DYNC1LI2: variants seen among roughly 807,000 people sequenced by gnomAD.
DYNC1LI2 encodes the protein dynein cytoplasmic 1 light intermediate chain 2.
A neutral mutation model predicts 57.8 loss-of-function variants in DYNC1LI2; 19 were observed. That is an observed-to-expected ratio of 0.33 (90% CI 0.23 to 0.48). The LOEUF (loss-of-function observed/expected upper bound fraction) is 0.48. DYNC1LI2 is among the 20% of genes least tolerant of loss of function. The probability of loss-of-function intolerance (pLI) is 0.99; values close to 1 mark genes in which losing one functional copy is unlikely to be tolerated. For synonymous variants in DYNC1LI2, 256 were observed against 233.4 expected, an observed-to-expected ratio of 1.10 and a Z score of -0.88; for missense variants, 470 against 604.2, an observed-to-expected ratio of 0.78 and a Z score of 2.33.
rs1362485654 is a variant in DYNC1LI2, at chr16:66,725,903, T to G, written c.1303A>C (p.Ser435Arg). ...SEGVLASFFN[S>R]LLSKKTGSPG... The stretch of plus-strand genomic sequence containing the variant: ...GAGCCTGTCTTTTTACTCAACAGAC[T>G]GTTGAAGAAGCTGGCCAACACCCCT... The change falls in exon 12 of 13, where the codon AGT becomes CGT. Residue 435 changes from serine (S) to arginine (R), a missense_variant. Physicochemically the swap from Ser to Arg is moderately radical, Grantham distance 110. Coordinates refer to ENST00000258198, the MANE Select transcript of DYNC1LI2 (RefSeq NM_006141.3). 6.2e-7 allele frequency: 1 copy of G among 1,614,136 alleles called. No homozygotes were observed.
intron 3 of DYNC1LI2, among the ~76,000 whole-genome samples, chr16:66,743,869 T>C (rs1216270398): frequency 6.6e-6 from 1 of 152,204 alleles, no homozygotes; most frequent in Non-Finnish European, 1.5e-5. Flanking sequence ...CGCCTAATTA[T>C]ATTGGGGAAT....
intron 2 of DYNC1LI2, among the ~76,000 whole-genome samples, chr16:66,750,742 A>G (rs2018029610): frequency 6.6e-6 from 1 of 152,138 alleles, no homozygotes. Flanking sequence ...TCACTTGAGG[A>G]GAGTGAGGCC....
chr16:66,751,529 G>A lies in DYNC1LI2; in HGVS notation c.63C>T (p.Ala21=). The change falls in exon 1 of 13, where the codon GCC becomes GCT. Residue 21 remains alanine, a synonymous_variant. Coordinates refer to ENST00000258198, the MANE Select transcript of DYNC1LI2 (RefSeq NM_006141.3). This position sits in a 1 kb window ranked among gnomAD's most constrained non-coding sequence, Gnocchi z 5.2. ...LLGPNGPAVA[A]AGDLTSEEEE... The stretch of plus-strand genomic sequence containing the variant: ...CCTCCTCACTGGTCAGGTCGCCGGC[G>A]GCCGCCACCGCGGGCCCGTTGGGAC... 6.3e-7 allele frequency: 1 copy of A among 1,588,078 alleles called. No homozygotes were observed. Among genetic ancestry groups the A allele is most frequent in the Non-Finnish European group, 8.5e-7 (1 of 1,169,712 alleles).
intron 3 of DYNC1LI2, among the ~76,000 whole-genome samples, chr16:66,746,155 A>G (rs2017932458): frequency 6.6e-6 from 1 of 151,588 alleles, no homozygotes; most frequent in African/African-American, 2.4e-5. Context: ...CTCTGTACCC[A>G]AAGTCTGTGG....
chr16:66,736,255 A>G lies in DYNC1LI2; in HGVS notation c.530-11T>C. On this transcript the variant is annotated splice_polypyrimidine_tract_variant and intron_variant, in intron 4 of 12. Transcript: ENST00000258198. ...GAAAATCTTTCACAACTGGGGGAAA[A>G]AGAGGAAAAAAAATCACATGCACAT... 1 of 1,608,964 alleles carries G rather than the reference A, an allele frequency of 6.2e-7. No homozygotes were observed. The highest frequency in any genetic ancestry group is 8.5e-7 in the Non-Finnish European group (1 of 1,176,534).
chr16:66,733,506 C>T (rs1014856446), intron 6 of DYNC1LI2: 3 of 152,110 alleles, frequency 2.0e-5, no homozygotes, highest in Non-Finnish European at 2.9e-5. Flanking sequence ...GAGTTCGAGA[C>T]TAGCCTGGCC....
At chr16:66,744,974 G>GC (rs1245893296) in intron 3 of DYNC1LI2, among the ~76,000 whole-genome samples, 11 of 152,158 alleles carry the variant, frequency 7.2e-5, no homozygotes, top group African/African-American at 2.7e-4. Flanking sequence ...ATGCAGTGGT[G>GC]CAAGCTCAAC....
chr16:66,748,370 T>C (rs1023300496), intron 3 of DYNC1LI2, among the ~76,000 whole-genome samples: 1 of 150,374 alleles, frequency 6.7e-6, no homozygotes, highest in Non-Finnish European at 1.5e-5. Flanking sequence ...AAACCATTAC[T>C]CCAAATCACA....
chr16:66,727,045 G>A (rs1165590286), intron 11 of DYNC1LI2, among the ~76,000 whole-genome samples: 1 of 151,984 alleles, frequency 6.6e-6, no homozygotes, highest in Non-Finnish European at 1.5e-5. Context: ...ATCCACTTGA[G>A]TAGATGGGAC....
At position 66,728,254 on chromosome 16, in the gene DYNC1LI2, G is replaced by A. The variant is rs1365876253; in HGVS notation, c.1102-12C>T. 1.2e-6 allele frequency: 2 copies of A among 1,614,066 alleles called. No homozygotes were observed. Among genetic ancestry groups the A allele is most frequent in the South Asian group, 2.2e-5 (2 of 91,074 alleles). On this transcript the variant is annotated splice_polypyrimidine_tract_variant and intron_variant, in intron 9 of 12. Coordinates refer to ENST00000258198, the MANE Select transcript of DYNC1LI2 (RefSeq NM_006141.3). ...TTGGCAAGGAGTGACTGCAAAGAGAGGGACAAACTGGCTATTAACCAAGGC... is the reference window on the plus strand; with the variant it reads ...TTGGCAAGGAGTGACTGCAAAGAGAAGGACAAACTGGCTATTAACCAAGGC...
In DYNC1LI2 at chr16:66,728,245, G is replaced by A; in HGVS notation, c.1102-3C>T. The A allele has an allele frequency of 6.2e-7, 1 of 1,614,102 alleles. No homozygotes were observed. The highest frequency in any genetic ancestry group is 1.1e-5 in the South Asian group (1 of 91,082). On this transcript the variant is annotated splice_polypyrimidine_tract_variant and splice_region_variant and intron_variant, in intron 9 of 12. Transcript: ENST00000258198. ...GCTGGTTGCTTGGCAAGGAGTGACT[G>A]CAAAGAGAGGGACAAACTGGCTATT...
intron 4 of DYNC1LI2, among the ~76,000 whole-genome samples, chr16:66,741,756 GAAGC>G (rs2017841071): frequency 6.6e-6 from 1 of 151,804 alleles, no homozygotes; most frequent in Admixed American, 6.6e-5. Context: ...TAACTGCACA[GAAGC>G]AAGGGAAAGG....
At chr16:66,732,027 G>T in intron 7 of DYNC1LI2, 1 of 264,800 alleles carries the variant, frequency 3.8e-6, no homozygotes. Flanking sequence ...AGACATTCAG[G>T]ATCCCCCAAG....
intron 6 of DYNC1LI2, 32 bp downstream of exon 6, chr16:66,734,186 G>A (rs770038954): frequency 6.8e-6 from 11 of 1,607,698 alleles, no homozygotes; most frequent in South Asian, 2.2e-5. Context: ...GAAAGCCTGT[G>A]ACCCAGGCCC....
rs1292262207 is a variant in DYNC1LI2, at chr16:66,737,486, G to A, written c.530-1242C>T. The stretch of plus-strand genomic sequence containing the variant: ...TTGCAGTAAGACAGAGCGAGACTCC[G>A]TCTCAAAAAAAAAAAAAAAAAAAAT... On this transcript the variant is annotated intron_variant, in intron 4 of 12. Coordinates refer to ENST00000258198, the MANE Select transcript of DYNC1LI2 (RefSeq NM_006141.3). Among the ~76,000 whole-genome samples, 18 of 99,488 alleles carry A rather than the reference G, an allele frequency of 1.8e-4. No individual in the cohort carries two copies. In the South Asian group the frequency reaches 2.6e-3, roughly 14 times the overall value. 65.3% of individuals were successfully genotyped at this position (99,488 alleles called of 152,430 possible).
intron 4 of DYNC1LI2, among the ~76,000 whole-genome samples, chr16:66,739,635 C>G (rs565212243): frequency 2.0e-5 from 3 of 152,188 alleles, no homozygotes; most frequent in Admixed American, 2.0e-4. Context: ...CCATGTTGCC[C>G]AGGCTGGTGT....
chr16:66,737,576 C>G (rs1298384126), intron 4 of DYNC1LI2, among the ~76,000 whole-genome samples: 1 of 151,676 alleles, frequency 6.6e-6, no homozygotes, highest in African/African-American at 2.4e-5. Flanking sequence ...CTTGTCAGCA[C>G]TAAGTAACCA....
chr16:66,734,841 T>C (rs779398567), intron 5 of DYNC1LI2, among the ~76,000 whole-genome samples: 14 of 150,996 alleles, frequency 9.3e-5, no homozygotes, highest in Non-Finnish European at 1.5e-4. Flanking sequence ...CTAATAAAAA[T>C]ACAAAATTAG....
At chr16:66,741,699 C>G (rs1184588504) in intron 4 of DYNC1LI2, among the ~76,000 whole-genome samples, 2 of 152,026 alleles carry the variant, frequency 1.3e-5, no homozygotes, top group Admixed American at 1.3e-4. Flanking sequence ...GCCATGGCTC[C>G]AGCCCCTGCC....
Sources: gnomAD v4.1 joint callset for allele counts (sites outside exome capture counted in the v4.1 genomes callset) on GRCh38, gnomAD v4.1.1 for gene constraint, Gnocchi (gnomAD v3.1) non-coding constraint, MANE v1.5 for transcripts, NCBI Gene and HGNC (gene_info 2026-07-23, HGNC 2026-07-21) for gene names.